MAP2K5: variants seen among roughly 807,000 people sequenced by gnomAD.
MAP2K5 encodes the protein dual specificity mitogen-activated protein kinase kinase 5.
In MAP2K5, 49 loss-of-function variants were observed where a neutral mutation model predicts 83.1. The ratio of observed to expected loss-of-function variants is 0.59; its 90% confidence interval spans 0.47 to 0.75. MAP2K5 has a LOEUF of 0.75. MAP2K5 is among the 30% of genes least tolerant of loss of function. The pLI, the probability that MAP2K5 is intolerant of heterozygous loss-of-function variation, is 0.00. For synonymous variants in MAP2K5, 202 were observed against 191.8 expected (o/e 1.05, Z -0.44); for missense variants, 457 against 557.5 (o/e 0.82, Z 1.82).
intron 3 of MAP2K5, among the ~76,000 whole-genome samples, chr15:67,571,773 A>T (rs775311414): frequency 6.6e-6 from 1 of 152,138 alleles, no homozygotes; most frequent in African/African-American, 2.4e-5. Context: ...CAGCTAGTCA[A>T]TAGAGAGCTG....
intron 16 of MAP2K5, among the ~76,000 whole-genome samples, chr15:67,713,236 A>G (rs1257815300): frequency 6.6e-6 from 1 of 152,214 alleles, no homozygotes; most frequent in African/African-American, 2.4e-5. Flanking sequence ...AAAATTTACT[A>G]TAAAAAATAC....
At chr15:67,615,944 A>G (rs2086044969) in intron 8 of MAP2K5, among the ~76,000 whole-genome samples, 1 of 152,178 alleles carries the variant, frequency 6.6e-6, no homozygotes, top group African/African-American at 2.4e-5. Flanking sequence ...GGAAAATGTA[A>G]TACAATCAAC....
chr15:67,796,722 C>CT (rs1176694702), intron 21 of MAP2K5, among the ~76,000 whole-genome samples: 1 of 152,306 alleles, frequency 6.6e-6, no homozygotes, highest in East Asian at 1.9e-4. Flanking sequence ...TTTCTGGCCT[C>CT]TAATTGCTTA....
At chr15:67,686,016 T>C (rs1567360037) in intron 13 of MAP2K5, among the ~76,000 whole-genome samples, 1 of 152,158 alleles carries the variant, frequency 6.6e-6, no homozygotes, top group Non-Finnish European at 1.5e-5. Context: ...ACCTCTGGCT[T>C]AGAAGCAAAT....
intron 13 of MAP2K5, among the ~76,000 whole-genome samples, chr15:67,684,174 C>A (rs2087890228): frequency 6.6e-6 from 1 of 152,160 alleles, no homozygotes; most frequent in Admixed American, 6.5e-5. Context: ...GAGTGAAATC[C>A]TACAAAGCTA....
intron 11 of MAP2K5, among the ~76,000 whole-genome samples, chr15:67,654,936 A>T: frequency 6.6e-6 from 1 of 151,836 alleles, no homozygotes; most frequent in East Asian, 1.9e-4. Context: ...TCAGTGGTGC[A>T]TGCCTGTAAT....
chr15:67,575,895 T>TC (rs1482533781), intron 3 of MAP2K5, among the ~76,000 whole-genome samples: 6 of 26,496 alleles, frequency 2.3e-4, no homozygotes, highest in African/African-American at 9.2e-4. Flanking sequence ...TTCTCTTCTT[T>TC]TTTTCTTTCT....
rs1262606122 is a variant in MAP2K5, at chr15:67,768,979, A to G, written c.1135-623A>G. On this transcript the variant is annotated intron_variant, in intron 19 of 21. Coordinates refer to ENST00000178640, the MANE Select transcript of MAP2K5 (RefSeq NM_145160.3). This position sits in a 1 kb window ranked among gnomAD's most constrained non-coding sequence, Gnocchi z 4.0. Reference sequence around the variant, plus strand: ...CCATCCTAGTTTTGGTTGGTGGTCAAGTTGGGAGTTTTTCATTGTATCCTT... The same window carrying G: ...CCATCCTAGTTTTGGTTGGTGGTCAGGTTGGGAGTTTTTCATTGTATCCTT... Among the ~76,000 whole-genome samples the G allele has an allele frequency of 6.6e-5, 10 of 152,254 alleles. No homozygotes were observed. The highest frequency in any genetic ancestry group is 3.4e-3 in the Middle Eastern group (1 of 294).
In MAP2K5 at chr15:67,748,141, G is replaced by A. The variant is rs1018326321; in HGVS notation, c.1075-90G>A. On this transcript the variant is annotated intron_variant, in intron 17 of 21. Transcript: ENST00000178640. The surrounding 1 kb of genome is among the most constrained non-coding windows in gnomAD (Gnocchi z 4.0). ...AACACATGCCCACAAATTGCCACCA[G>A]CAATGCAATAATTTTCTCTCAGTGA... The A allele has an allele frequency of 9.1e-6, 8 of 875,594 alleles. No homozygotes were observed. Among genetic ancestry groups the A allele is most frequent in the Non-Finnish European group, 1.5e-5 (8 of 529,166 alleles). 54.2% of individuals were successfully genotyped at this position (875,594 alleles called of 1,614,324 possible).
Position 67,805,404 on chromosome 15 carries a change from G to A in MAP2K5, c.1243-1242G>A, listed in dbSNP as rs1161343722. On this transcript the variant is annotated intron_variant, in intron 21 of 21. Transcript: ENST00000178640. ...CTGGTCCTTGACAGCCCCTGCAGGC[G>A]CTGAGGTTGGGACAGCCAGGGTCCA... Among the ~76,000 whole-genome samples, 4 of 152,240 alleles carry A rather than the reference G, an allele frequency of 2.6e-5. No homozygotes were observed. The East Asian group carries it at 5.8e-4, about 22-fold the overall frequency.
rs1041535615 is a variant in MAP2K5 at position 67,637,785 on chromosome 15, G to C, written c.585+6858G>C. Among the ~76,000 whole-genome samples, 1 of 151,962 alleles carries C rather than the reference G, an allele frequency of 6.6e-6. No homozygotes were observed. Among genetic ancestry groups the C allele is most frequent in the Non-Finnish European group, 1.5e-5 (1 of 68,004 alleles). On this transcript the variant is annotated intron_variant, in intron 9 of 21. Transcript: ENST00000178640. This position sits in a 1 kb window ranked among gnomAD's most constrained non-coding sequence, Gnocchi z 4.5. ...TATCTCTGCCTGGTTTCCCCTCCCT[G>C]CACTGAGGCCTGGGAACTCTCTGGT...
chr15:67,549,525 T>G (rs2084466371), intron 1 of MAP2K5, among the ~76,000 whole-genome samples: 1 of 152,250 alleles, frequency 6.6e-6, no homozygotes, highest in Non-Finnish European at 1.5e-5. Flanking sequence ...ATTTGTTGAA[T>G]GTCTTCAATG....
intron 21 of MAP2K5, among the ~76,000 whole-genome samples, chr15:67,805,236 G>C (rs1213180321): frequency 2.0e-5 from 3 of 152,200 alleles, no homozygotes. Flanking sequence ...GGTGTCCCCA[G>C]GGCAGGTTTC....
At chr15:67,692,367 G>A (rs4343227) in intron 13 of MAP2K5, 112 bp from the exon 14 acceptor site, 541,766 of 649,856 alleles carry the variant, frequency 0.83, 226,427 homozygotes, top group Admixed American at 0.89. Context: ...ATTTCGGATT[G>A]AGCAGATGAT....
chr15:67,724,341 C>T lies in MAP2K5; in HGVS notation c.1045-3575C>T, dbSNP rs1044733236. Among the ~76,000 whole-genome samples, 1 of 152,054 alleles carries T rather than the reference C, an allele frequency of 6.6e-6. No individual in the cohort carries two copies. Among genetic ancestry groups the T allele is most frequent in the African/African-American group, 2.4e-5 (1 of 41,396 alleles). On this transcript the variant is annotated intron_variant, in intron 16 of 21. Coordinates refer to ENST00000178640, the MANE Select transcript of MAP2K5 (RefSeq NM_145160.3). The surrounding 1 kb of genome is among the most constrained non-coding windows in gnomAD (Gnocchi z 4.4). ...GTGCTCCTTCTTCCCCATAAGGGTC[C>T]CATGTTTATTTTGACTTTTGACAGC...
At position 67,783,475 on chromosome 15, in the gene MAP2K5, C is replaced by T. The variant is rs2090364348; in HGVS notation, c.1242+10723C>T. On this transcript the variant is annotated intron_variant, in intron 21 of 21. Coordinates refer to ENST00000178640, the MANE Select transcript of MAP2K5 (RefSeq NM_145160.3). The surrounding 1 kb of genome is among the most constrained non-coding windows in gnomAD (Gnocchi z 5.1). ...GAACTTCTCCACCTCCGAAACCCAA[C>T]TGGCACAACCTCTGTGAAGCTTTGC... 1.3e-5 allele frequency among the ~76,000 whole-genome samples: 2 copies of T among 152,212 alleles called. No individual in the cohort carries two copies. Among genetic ancestry groups the T allele is most frequent in the South Asian group, 4.1e-4 (2 of 4,830 alleles).
Position 67,722,925 on chromosome 15 carries a change from T to A in MAP2K5, c.1045-4991T>A, listed in dbSNP as rs960939623. Among the ~76,000 whole-genome samples the A allele has an allele frequency of 6.6e-6, 1 of 152,204 alleles. No homozygotes were observed. Among genetic ancestry groups the A allele is most frequent in the Non-Finnish European group, 1.5e-5 (1 of 68,016 alleles). ...AGATCACTGGCTATATTGAAAATGC[T>A]TATTTTCAATTTGTAGTTATGCCGA... On this transcript the variant is annotated intron_variant, in intron 16 of 21. Coordinates refer to ENST00000178640, the MANE Select transcript of MAP2K5 (RefSeq NM_145160.3). The surrounding 1 kb of genome is among the most constrained non-coding windows in gnomAD (Gnocchi z 4.2).
chr15:67,581,935 T>C (rs991096911), intron 4 of MAP2K5, among the ~76,000 whole-genome samples: 1 of 152,168 alleles, frequency 6.6e-6, no homozygotes, highest in African/African-American at 2.4e-5. Context: ...AGGCCAGTGA[T>C]AGTCCAAAAC....
At chr15:67,806,529 A>T in intron 21 of MAP2K5, 117 bp from the exon 22 acceptor site, 1 of 869,724 alleles carries the variant, frequency 1.1e-6, no homozygotes, top group Non-Finnish European at 1.7e-6. Flanking sequence ...CTCCCTCGTT[A>T]CCTCACAGGG....
Sources: allele counts gnomAD v4.1 joint callset (sites outside exome capture counted in the v4.1 genomes callset), GRCh38; gene constraint gnomAD v4.1.1; non-coding constraint Gnocchi (gnomAD v3.1); transcripts MANE v1.5; gene names NCBI Gene and HGNC (gene_info 2026-07-23, HGNC 2026-07-21).